Variants in LRCH1 observed in about 807,000 individuals in gnomAD.
LRCH1 encodes leucine-rich repeat and calponin homology domain-containing protein 1.
In LRCH1, 23 loss-of-function variants were observed where a neutral mutation model predicts 94.9. That is an observed-to-expected ratio of 0.24 (90% CI 0.17 to 0.34). The LOEUF is 0.34. Among genes scored for constraint, LRCH1 ranks in the 10% least tolerant of loss-of-function variants. The pLI is 1.00. For synonymous variants in LRCH1, 364 were observed against 354.9 expected (o/e 1.03, Z -0.29); for missense variants, 790 against 945.9 (o/e 0.84, Z 2.16).
intron 2 of LRCH1, among the ~76,000 whole-genome samples, chr13:46,661,137 G>A (rs1286513596): frequency 1.3e-5 from 2 of 152,026 alleles, no homozygotes; most frequent in African/African-American, 2.4e-5. Context: ...TTACCTGTAC[G>A]TTTTATTCCA....
intron 18 of LRCH1, among the ~76,000 whole-genome samples, chr13:46,731,564 ATAACATATTTTAGCCTGTTT>A (rs1441901838): frequency 1.3e-5 from 2 of 152,198 alleles, no homozygotes; most frequent in Non-Finnish European, 2.9e-5. Context: ...TTTACTGACT[ATAACATATTTTAGCCTGTTT>A]TATTATATTA....
downstream of LRCH1, among the ~76,000 whole-genome samples, chr13:46,745,424 C>T (rs556075242): frequency 7.9e-5 from 12 of 152,026 alleles, no homozygotes; most frequent in Admixed American, 2.0e-4. Flanking sequence ...GGACCGTGAA[C>T]GCATCCTGGG....
chr13:46,715,473 A>G (rs1335094253), intron 15 of LRCH1, 87 bp from the exon 16 acceptor site: 2 of 715,060 alleles, frequency 2.8e-6, no homozygotes, highest in African/African-American at 1.7e-5. Flanking sequence ...TGCAAACCCT[A>G]TGCCATTTGT....
At chr13:46,666,857 C>CA (rs1277946815) in intron 2 of LRCH1, among the ~76,000 whole-genome samples, 3 of 152,172 alleles carry the variant, frequency 2.0e-5, no homozygotes, top group Non-Finnish European at 2.9e-5. Flanking sequence ...AAAAGAGTCC[C>CA]ACTGAGCCCC....
chr13:46,576,365 C>T (rs142660875), intron 1 of LRCH1, among the ~76,000 whole-genome samples: 39 of 152,210 alleles, frequency 2.6e-4, no homozygotes, highest in African/African-American at 9.2e-4. Context: ...GTTAGAATTC[C>T]CAAGTGAAAC....
intron 19 of LRCH1, 60 bp from the exon 20 acceptor site, chr13:46,741,582 C>G: frequency 1.2e-6 from 2 of 1,603,508 alleles, no homozygotes; most frequent in Non-Finnish European, 1.7e-6. Flanking sequence ...AGCTGTTCCT[C>G]CGTGTATTTT....
chr13:46,598,288 T>C (rs2050587265), intron 1 of LRCH1, among the ~76,000 whole-genome samples: 2 of 152,060 alleles, frequency 1.3e-5, no homozygotes, highest in Non-Finnish European at 2.9e-5. Context: ...CAAAATGGCC[T>C]CTTTTGAGCA....
intron 13 of LRCH1, among the ~76,000 whole-genome samples, chr13:46,708,723 CTG>C (rs1178248099): frequency 6.6e-6 from 1 of 152,212 alleles, no homozygotes; most frequent in East Asian, 1.9e-4. Flanking sequence ...CAGCCCAAGA[CTG>C]TTTTATTTGG....
intron 1 of LRCH1, among the ~76,000 whole-genome samples, chr13:46,593,749 C>A (rs1393468078): frequency 2.0e-5 from 3 of 152,134 alleles, no homozygotes; most frequent in Non-Finnish European, 4.4e-5. Context: ...CCACTACATC[C>A]ATTCCAGGGA....
chr13:46,609,667 T>C (rs1232154001), intron 1 of LRCH1, among the ~76,000 whole-genome samples: 2 of 152,326 alleles, frequency 1.3e-5, no homozygotes, highest in Non-Finnish European at 2.9e-5. Context: ...TGTTAGGAAA[T>C]GTGCTTACTG....
rs764470516 is a variant in LRCH1 at position 46,712,592 on chromosome 13, G to C, written c.1649G>C (p.Arg550Pro). ...ACAGCTCCATTTGGCCTGAAGCCTC[G>C]ATCAGGTAAATGAAAACCTCAGCCC... The part of the protein sequence containing the change: ...NSTAPFGLKP[R>P]SDPALILPPI... The change falls in exon 15 of 20, where the codon CGA becomes CCA. Residue 550 changes from arginine to proline, a missense_variant. Coordinates refer to ENST00000389797, the MANE Select transcript of LRCH1 (RefSeq NM_001164211.2). 6.2e-7 allele frequency: 1 copy of C among 1,613,398 alleles called. No homozygotes were observed. The highest frequency in any genetic ancestry group is 8.5e-7 in the Non-Finnish European group (1 of 1,179,582).
chr13:46,570,963 C>A (rs949881386), intron 1 of LRCH1, among the ~76,000 whole-genome samples: 9 of 152,232 alleles, frequency 5.9e-5, no homozygotes, highest in African/African-American at 1.9e-4. Context: ...CTGCTCCTTT[C>A]TTTAACTGCC....
intron 16 of LRCH1, chr13:46,717,495 C>T (rs1593373453): frequency 6.6e-6 from 1 of 152,110 alleles, no homozygotes; most frequent in East Asian, 1.9e-4. Context: ...CTCTACTATG[C>T]CCTGGGCAAC....
intron 17 of LRCH1, among the ~76,000 whole-genome samples, chr13:46,727,268 A>T (rs1231810706): frequency 1.3e-5 from 2 of 152,238 alleles, no homozygotes; most frequent in African/African-American, 4.8e-5. Flanking sequence ...CCACAGCAGA[A>T]TGGAGATGAT....
chr13:46,591,331 T>G (rs2050497206), intron 1 of LRCH1, among the ~76,000 whole-genome samples: 1 of 152,222 alleles, frequency 6.6e-6, no homozygotes, highest in African/African-American at 2.4e-5. Flanking sequence ...AGTTCCTTTC[T>G]TCAATTGTAA....
At chr13:46,717,887 A>T (rs1020566607) in intron 16 of LRCH1, among the ~76,000 whole-genome samples, 3 of 152,160 alleles carry the variant, frequency 2.0e-5, no homozygotes, top group African/African-American at 7.2e-5. Flanking sequence ...CAGATTTTTT[A>T]AAATTGGCAA....
At chr13:46,674,486 A>G (rs908520126) in intron 3 of LRCH1, among the ~76,000 whole-genome samples, 3 of 152,176 alleles carry the variant, frequency 2.0e-5, no homozygotes, top group African/African-American at 4.8e-5. Context: ...AGCTCCATGG[A>G]GCTGGCCCCT....
At chr13:46,568,072 A>T (rs2050204037) in intron 1 of LRCH1, among the ~76,000 whole-genome samples, 1 of 152,148 alleles carries the variant, frequency 6.6e-6, no homozygotes, top group South Asian at 2.1e-4. Context: ...TTAATACTGC[A>T]TGGTAGATTG....
At chr13:46,712,670 A>C in intron 15 of LRCH1, 73 bp downstream of exon 15, 1 of 1,307,728 alleles carries the variant, frequency 7.6e-7, no homozygotes. Context: ...AAGTGTATGC[A>C]TTATCAATGT....
Sources: gnomAD v4.1 joint callset for allele counts (sites outside exome capture counted in the v4.1 genomes callset) on GRCh38, gnomAD v4.1.1 for gene constraint, MANE v1.5 for transcripts, NCBI Gene and HGNC (gene_info 2026-07-23, HGNC 2026-07-21) for gene names.